The following DDX60L variants were observed in gnomAD, a reference collection of about 807,000 sequenced individuals.
The protein encoded by DDX60L is DExD/H-box 60 like, also known as probable ATP-dependent RNA helicase DDX60-like.
Under a neutral mutation model 211.6 loss-of-function variants are expected in DDX60L, and 191 were observed. The ratio of observed to expected loss-of-function variants is 0.90; its 90% CI spans 0.80 to 1.02. The LOEUF is 1.02. Ranked by LOEUF, DDX60L falls within the 50% of genes least tolerant of loss-of-function variation. DDX60L has a pLI of 0.00. For synonymous variants in DDX60L, 706 were observed against 694.1 expected (o/e 1.02, Z -0.27); for missense variants, 2,007 against 1,984.1 (o/e 1.01, Z -0.22).
At chr4:168,420,469 C>G in intron 17 of DDX60L, 89 bp from the exon 18 acceptor site, 7 of 13,204 alleles carry the variant, frequency 5.3e-4, no homozygotes, top group Non-Finnish European at 4.5e-4. Context: ...CACATACACA[C>G]ACACACACAC....
At position 168,357,855 on chromosome 4, in the gene DDX60L, T is replaced by TAA. The variant is rs1738401815; in HGVS notation, c.*291_*292insTT. The TAA allele has an allele frequency of 8.7e-6, 2 of 229,710 alleles. No homozygotes were observed. The highest frequency in any genetic ancestry group is 1.8e-4 in the South Asian group (2 of 11,080). The allele number at this position is 229,710 out of a possible 1,614,324, so 14.2% of individuals were successfully genotyped here. Reference sequence around the variant, plus strand: ...TAACTACTAAAAAAACCACTACCGTTCATTAAGTCACCACCCAATCCCAAT... The same window carrying TAA: ...TAACTACTAAAAAAACCACTACCGTTAACATTAAGTCACCACCCAATCCCAAT... On this transcript the variant is annotated 3_prime_UTR_variant, in exon 38 of 38. Transcript: ENST00000682922.
At chr4:168,446,638 A>T (rs910160236) in intron 9 of DDX60L, among the ~76,000 whole-genome samples, 5 of 151,796 alleles carry the variant, frequency 3.3e-5, no homozygotes, top group African/African-American at 9.7e-5. Flanking sequence ...CTATACTACA[A>T]GGCTACAGGA....
At chr4:168,457,845 A>C in intron 6 of DDX60L, 47 bp downstream of exon 6, 2 of 1,237,086 alleles carry the variant, frequency 1.6e-6, no homozygotes, top group Non-Finnish European at 1.1e-6. Context: ...ATTCTCATTT[A>C]CCAAATTCTA....
chr4:168,361,190 TA>T lies in DDX60L; in HGVS notation c.4949del (p.Leu1650Ter). On this transcript the variant is annotated frameshift_variant, in exon 37 of 38. Transcript: ENST00000682922. LOFTEE classifies it low-confidence loss of function (END_TRUNC). ...QKNGMRMGQL[L>X]KCLKDFAFNI... ...TGAATGCAAAATCTTTCAAACACTT[TA>T]AAAGCTGTCCCATACGCATCCTAAA... The T allele has an allele frequency of 6.2e-7, 1 of 1,607,062 alleles. No individual in the cohort carries two copies. Among genetic ancestry groups the T allele is most frequent in the Non-Finnish European group, 8.5e-7 (1 of 1,174,592 alleles).
Position 168,386,453 on chromosome 4 carries a change from T to C in DDX60L, c.3916-1641A>G, listed in dbSNP as rs538414178. 1.2e-4 allele frequency among the ~76,000 whole-genome samples: 18 copies of C among 152,242 alleles called. No homozygotes were observed. The South Asian group carries it at 2.7e-3, about 23-fold the overall frequency. On this transcript the variant is annotated intron_variant, in intron 29 of 37. Coordinates refer to ENST00000682922, the MANE Select transcript of DDX60L (RefSeq NM_001012967.3). The stretch of plus-strand genomic sequence containing the variant: ...GAAGAAGTAACAGCCATTTATTCAA[T>C]GCTTAATATGTGCTGGGCCCTTTAT...
chr4:168,391,558 A>G lies in DDX60L; in HGVS notation c.3897T>C (p.Asp1299=), dbSNP rs923478331. 6 of 1,604,242 alleles carry G rather than the reference A, an allele frequency of 3.7e-6. No individual in the cohort carries two copies. In the African/African-American group the frequency reaches 5.4e-5, roughly 14 times the overall value. ...GAGTTACCTGTCTGTAATTTAAAGC[A>G]TCCAGATAGACTGAGTCTTGGGCAA... is the stretch of plus-strand genomic sequence containing the variant. ...VVFAQDSVYL[D]ALNYRQMSGR... Residue 1299 remains aspartate (D), a synonymous_variant, in exon 29 of 38, where the codon GAT becomes GAC. Transcript: ENST00000682922.
intron 32 of DDX60L, 24 bp downstream of exon 32, chr4:168,379,339 T>A (rs775212923): frequency 1.3e-6 from 2 of 1,503,496 alleles, no homozygotes; most frequent in South Asian, 2.8e-5. Context: ...ATTTTTCGAC[T>A]ACAGGTATAA....
At chr4:168,455,830 A>G (rs145796441) in intron 7 of DDX60L, among the ~76,000 whole-genome samples, 128 of 152,334 alleles carry the variant, frequency 8.4e-4, no homozygotes, top group Admixed American at 3.4e-3. Context: ...ATATTTTCTT[A>G]TGTATACAGA....
At chr4:168,474,738 A>G (rs1215430405) in intron 1 of DDX60L, among the ~76,000 whole-genome samples, 1 of 152,186 alleles carries the variant, frequency 6.6e-6, no homozygotes, top group East Asian at 1.9e-4. Flanking sequence ...ATTAAGACAC[A>G]TGAAAGATTG....
chr4:168,468,004 T>C (rs952180221), intron 4 of DDX60L, among the ~76,000 whole-genome samples: 1 of 151,978 alleles, frequency 6.6e-6, no homozygotes, highest in Non-Finnish European at 1.5e-5. Flanking sequence ...CCATCTTTGC[T>C]AAAAATACAA....
chr4:168,443,007 A>G (rs1754184366), intron 9 of DDX60L, among the ~76,000 whole-genome samples: 1 of 152,240 alleles, frequency 6.6e-6, no homozygotes, highest in Non-Finnish European at 1.5e-5. Flanking sequence ...CTCACCAGCA[A>G]TGGAACAAAG....
At chr4:168,413,610 G>C (rs556595749) in intron 22 of DDX60L, among the ~76,000 whole-genome samples, 52 of 151,888 alleles carry the variant, frequency 3.4e-4, no homozygotes, top group African/African-American at 1.1e-3. Context: ...AGAGTCTCTT[G>C]ATAGCAAAAT....
chr4:168,449,539 G>A (rs536243570), intron 8 of DDX60L, among the ~76,000 whole-genome samples: 6 of 129,426 alleles, frequency 4.6e-5, no homozygotes, highest in African/African-American at 1.2e-4. Flanking sequence ...TGGGTGCAGC[G>A]CACCAGCATG....
At chr4:168,422,999 G>GTGTGTGTGTGTGTGTGTGTGTGTA (rs551448406) in intron 15 of DDX60L, among the ~76,000 whole-genome samples, 2,926 of 137,488 alleles carry the variant, frequency 0.021, 76 homozygotes, top group African/African-American at 0.039. Flanking sequence ...GTGTGTGTGT[G>GTGTGTGTGTGTGTGTGTGTGTGTA]TTGTAGAGAC....
At chr4:168,461,407 A>G (rs1002743769) in intron 5 of DDX60L, among the ~76,000 whole-genome samples, 1 of 152,216 alleles carries the variant, frequency 6.6e-6, no homozygotes. Flanking sequence ...TACTCTAAAT[A>G]TTCTTTTACA....
At chr4:168,453,596 A>G (rs1323372087) in intron 7 of DDX60L, among the ~76,000 whole-genome samples, 1 of 152,206 alleles carries the variant, frequency 6.6e-6, no homozygotes, top group African/African-American at 2.4e-5. Flanking sequence ...ATGCTCTGTC[A>G]TTTCAGAGAA....
chr4:168,467,234 C>G (rs960104196), intron 4 of DDX60L, among the ~76,000 whole-genome samples: 1 of 151,880 alleles, frequency 6.6e-6, no homozygotes, highest in African/African-American at 2.4e-5. Context: ...CTCAGCAAGA[C>G]CCCATCTTTA....
chr4:168,391,596 T>G lies in DDX60L; in HGVS notation c.3859A>C (p.Lys1287Gln). 1 of 1,606,868 alleles carries G rather than the reference T, an allele frequency of 6.2e-7. No homozygotes were observed. Among genetic ancestry groups the G allele is most frequent in the East Asian group, 2.2e-5 (1 of 44,710 alleles). The change falls in exon 29 of 38, where the codon AAA (lysine) becomes CAA (glutamine). Residue 1287 changes from lysine to glutamine, a missense_variant. By Grantham distance (53) the Lys-to-Gln change is moderately conservative. Transcript: ENST00000682922. ...TLALGIHMPC[K>Q]SVVFAQDSVY... ...GAGTCTTGGGCAAAAACAACAGATTTGCATGGCATGTGGATCCCTAAGGCA... is the reference window on the plus strand; with the variant it reads ...GAGTCTTGGGCAAAAACAACAGATTGGCATGGCATGTGGATCCCTAAGGCA...
intron 29 of DDX60L, among the ~76,000 whole-genome samples, chr4:168,387,102 G>C (rs1188897700): frequency 2.0e-5 from 3 of 152,176 alleles, no homozygotes; most frequent in African/African-American, 7.2e-5. Context: ...TATGCCCCTG[G>C]CCAACAGACA....
Sources: allele counts gnomAD v4.1 joint callset (sites outside exome capture counted in the v4.1 genomes callset), GRCh38; gene constraint gnomAD v4.1.1; transcripts MANE v1.5; gene names NCBI Gene and HGNC (gene_info 2026-07-23, HGNC 2026-07-21).